Variants in LTBP2 observed in about 807,000 individuals in gnomAD.
LTBP2 encodes the protein latent-transforming growth factor beta-binding protein 2.
A neutral mutation model predicts 210.6 loss-of-function variants in LTBP2; 103 were observed. The observed-to-expected ratio is 0.49, with a 90% CI of 0.42 to 0.58. The LOEUF (loss-of-function observed/expected upper bound fraction) is 0.58, where lower values mean the gene tolerates loss of function less well. Among genes scored for constraint, LTBP2 ranks in the 20% least tolerant of loss-of-function variants. LTBP2 has a pLI of 0.00. For missense variants in LTBP2, 2,313 were observed against 2,494.5 expected, an observed-to-expected ratio of 0.93 and a Z score of 1.55; for synonymous variants, 1,007 against 1,015.0, an observed-to-expected ratio of 0.99 and a Z score of 0.15.
At chr14:74,549,205 C>T (rs776304145) in intron 8 of LTBP2, among the ~76,000 whole-genome samples, 18 of 152,346 alleles carry the variant, frequency 1.2e-4, no homozygotes, top group Non-Finnish European at 2.5e-4. Flanking sequence ...GGTCACCCTC[C>T]TCCCAATTGT....
chr14:74,542,036 G>A (rs2087514774), intron 8 of LTBP2, among the ~76,000 whole-genome samples: 1 of 152,186 alleles, frequency 6.6e-6, no homozygotes, highest in African/African-American at 2.4e-5. Flanking sequence ...GCCTTGCAGG[G>A]CTGCAGTGTC....
intron 10 of LTBP2, among the ~76,000 whole-genome samples, chr14:74,531,465 A>G (rs1194458052): frequency 6.6e-6 from 1 of 152,172 alleles, no homozygotes; most frequent in Non-Finnish European, 1.5e-5. Context: ...TGCCACCATG[A>G]AGGTTTCTTG....
At chr14:74,551,004 G>T in intron 7 of LTBP2, 60 bp downstream of exon 7, 1 of 1,597,104 alleles carries the variant, frequency 6.3e-7, no homozygotes, top group South Asian at 1.1e-5. Flanking sequence ...GAGAAGGGCA[G>T]ACTGGGGACA....
intron 1 of LTBP2, among the ~76,000 whole-genome samples, chr14:74,604,863 C>A (rs528535118): frequency 3.2e-4 from 49 of 152,296 alleles, no homozygotes; most frequent in African/African-American, 1.1e-3. Flanking sequence ...GGGGCATTCA[C>A]TCAGCTCCCC....
intron 3 of LTBP2, among the ~76,000 whole-genome samples, chr14:74,561,267 G>A (rs981266542): frequency 1.4e-4 from 22 of 152,136 alleles, no homozygotes; most frequent in South Asian, 6.2e-4. Flanking sequence ...GCAGTGAGCC[G>A]AGATCACGCC....
At chr14:74,517,376 G>T (rs752609325) in intron 17 of LTBP2, among the ~76,000 whole-genome samples, 1 of 151,288 alleles carries the variant, frequency 6.6e-6, no homozygotes, top group Admixed American at 6.6e-5. Flanking sequence ...TTATTGAGAC[G>T]GAGTTTCGCT....
chr14:74,554,357 G>A (rs771694990), intron 4 of LTBP2, among the ~76,000 whole-genome samples: 48 of 152,016 alleles, frequency 3.2e-4, no homozygotes, highest in Admixed American at 6.6e-4. Context: ...AAATTAGCTG[G>A]GCATGGTGGT....
intron 27 of LTBP2, 82 bp downstream of exon 27, chr14:74,506,616 G>A (rs1025656002): frequency 2.1e-5 from 33 of 1,593,126 alleles, no homozygotes; most frequent in Non-Finnish European, 2.6e-5. Context: ...ATGGAGCCAC[G>A]TGACCAGGAC....
At chr14:74,510,307 G>T (rs186460463) in intron 19 of LTBP2, 94 bp from the exon 20 acceptor site, 217 of 1,575,982 alleles carry the variant, frequency 1.4e-4, no homozygotes, top group Non-Finnish European at 1.8e-4. Context: ...TGAGGCCAGG[G>T]AACCAGCCTT....
chr14:74,516,545 A>G (rs2087137410), intron 18 of LTBP2, among the ~76,000 whole-genome samples: 1 of 152,192 alleles, frequency 6.6e-6, no homozygotes, highest in Admixed American at 6.5e-5. Flanking sequence ...TTTCAAGGCA[A>G]CAGGGCGGAG....
At chr14:74,598,312 T>A (rs2088398598) in intron 2 of LTBP2, among the ~76,000 whole-genome samples, 1 of 152,148 alleles carries the variant, frequency 6.6e-6, no homozygotes, top group Non-Finnish European at 1.5e-5. Flanking sequence ...GAAATGCCAT[T>A]CCATTGCCCA....
At chr14:74,512,096 G>A (rs2087079427) in intron 18 of LTBP2, among the ~76,000 whole-genome samples, 1 of 152,196 alleles carries the variant, frequency 6.6e-6, no homozygotes, top group Non-Finnish European at 1.5e-5. Context: ...GAGGGAGCTA[G>A]TTCTCCCCGG....
chr14:74,552,421 G>C, intron 5 of LTBP2, 28 bp from the exon 6 acceptor site: 1 of 1,595,164 alleles, frequency 6.3e-7, no homozygotes, highest in Non-Finnish European at 8.5e-7. Flanking sequence ...AAGGTAACCA[G>C]CGGTGGAAGA....
intron 5 of LTBP2, 106 bp from the exon 6 acceptor site, chr14:74,552,499 T>C: frequency 9.5e-7 from 1 of 1,048,702 alleles, no homozygotes; most frequent in South Asian, 1.3e-5. Context: ...TGACCCTAGA[T>C]GGCTCCTGTA....
At chr14:74,540,843 ATATAT>A (rs1174029402) in intron 8 of LTBP2, among the ~76,000 whole-genome samples, 2 of 30,868 alleles carry the variant, frequency 6.5e-5, no homozygotes, top group East Asian at 5.8e-4. Context: ...ATATATTTAT[ATATAT>A]TATATATATT....
chr14:74,549,009 T>G (rs963488355), intron 8 of LTBP2, among the ~76,000 whole-genome samples: 21 of 152,256 alleles, frequency 1.4e-4, no homozygotes, highest in Non-Finnish European at 2.8e-4. Flanking sequence ...CTGAGTCTGA[T>G]GCAAGGAACA....
Position 74,502,820 on chromosome 14 carries a change from A to T in LTBP2, c.5003T>A (p.Ile1668Asn). Residue 1668 changes from isoleucine (I) to asparagine (N), a missense_variant, in exon 34 of 36, where the codon ATC becomes AAC. Ile to Asn is a moderately radical substitution (Grantham distance 149, BLOSUM62 -3). Around this residue, in one of 3 missense-constraint regions of LTBP2, gnomAD observed 443 missense variants for 501.4 expected, o/e 0.88. Transcript: ENST00000261978. ...GAAGGGGGCCCCATCTGGGCCATAG[A>T]TGCTGTAGTGCAGGTCATCGGGCCC... Reference protein sequence around the residue: ...GPGPDDLHYSIYGPDGAPFYN... With the variant: ...GPGPDDLHYSNYGPDGAPFYN... 1 of 1,614,088 alleles carries T rather than the reference A, an allele frequency of 6.2e-7. No homozygotes were observed. Among genetic ancestry groups the T allele is most frequent in the Non-Finnish European group, 8.5e-7 (1 of 1,180,004 alleles).
At chr14:74,556,798 G>C (rs1427580546) in intron 3 of LTBP2, among the ~76,000 whole-genome samples, 1 of 152,226 alleles carries the variant, frequency 6.6e-6, no homozygotes, top group Admixed American at 6.5e-5. Context: ...GATTACAGGC[G>C]TGAGCCACTG....
chr14:74,585,728 G>A, intron 3 of LTBP2, 126 bp downstream of exon 3: 3 of 1,442,322 alleles, frequency 2.1e-6, no homozygotes, highest in South Asian at 1.3e-5. Flanking sequence ...CAAGGAGGGT[G>A]GGGAGGAGAG....
Sources: allele counts gnomAD v4.1 joint callset (sites outside exome capture counted in the v4.1 genomes callset), GRCh38; gene constraint gnomAD v4.1.1; regional missense constraint gnomAD v4.1.1; transcripts MANE v1.5; gene names NCBI Gene and HGNC (gene_info 2026-07-23, HGNC 2026-07-21).